The following PRP4K variants were observed in gnomAD, a reference collection of about 807,000 sequenced individuals.
The protein encoded by PRP4K is serine/threonine-protein kinase PRP4 homolog.
chr6:4,045,044 G>A, the PRP4K span, among the ~76,000 whole-genome samples: 1 of 151,624 alleles, frequency 6.6e-6, no homozygotes, highest in African/African-American at 2.4e-5. Flanking sequence ...TGTATTTTTA[G>A]TAGAGATGGG....
the PRP4K span, chr6:4,021,319 C>T: frequency 3.4e-6 from 5 of 1,451,416 alleles, no homozygotes; most frequent in Non-Finnish European, 3.8e-6. Flanking sequence ...CTCTTCCCTA[C>T]ACGGTCGGCA....
At chr6:4,028,807 A>C in the PRP4K span, among the ~76,000 whole-genome samples, 1 of 152,086 alleles carries the variant, frequency 6.6e-6, no homozygotes, top group African/African-American at 2.4e-5. Context: ...TCAACTAATT[A>C]GTAACTTCTC....
the PRP4K span, chr6:4,031,464 A>G: frequency 3.1e-6 from 3 of 966,240 alleles, no homozygotes; most frequent in East Asian, 2.7e-5. Flanking sequence ...CATGTATTAC[A>G]TTGAGATGTA....
the PRP4K span, among the ~76,000 whole-genome samples, chr6:4,035,853 G>A: frequency 6.6e-6 from 1 of 152,022 alleles, no homozygotes; most frequent in African/African-American, 2.4e-5. Flanking sequence ...TGTAATCCCA[G>A]CTACTCAAGG....
At chr6:4,053,213 A>T in the PRP4K span, among the ~76,000 whole-genome samples, 1 of 151,588 alleles carries the variant, frequency 6.6e-6, no homozygotes, top group Non-Finnish European at 1.5e-5. Context: ...TGAAATAAGG[A>T]GTGTCCGTAC....
the PRP4K span, among the ~76,000 whole-genome samples, chr6:4,027,611 GGT>G: frequency 2.2e-3 from 197 of 88,704 alleles, 1 homozygote; most frequent in Non-Finnish European, 2.6e-3. Flanking sequence ...GGGGGGGTGG[GGT>G]GGGGGTTGGT....
chr6:4,059,773 G>A, the PRP4K span, among the ~76,000 whole-genome samples: 1 of 152,122 alleles, frequency 6.6e-6, no homozygotes, highest in Non-Finnish European at 1.5e-5. Context: ...AGCCTCCCGA[G>A]TAGCTGGGAT....
At chr6:4,040,942 T>TA in the PRP4K span, 1 of 1,591,416 alleles carries the variant, frequency 6.3e-7, no homozygotes, top group Non-Finnish European at 8.5e-7. Context: ...GAATAGAACT[T>TA]ACCCATAACT....
chr6:4,062,985 C>A, the PRP4K span: 2 of 152,452 alleles, frequency 1.3e-5, no homozygotes, highest in Non-Finnish European at 2.9e-5. This position sits in a 1 kb window ranked among gnomAD's most constrained non-coding sequence, Gnocchi z 4.2. Flanking sequence ...TAAGTAAGTT[C>A]CACTAGAAAC....
At chr6:4,060,390 C>T in the PRP4K span, 47 of 1,596,386 alleles carry the variant, frequency 2.9e-5, no homozygotes, top group African/African-American at 3.6e-4. This position sits in a 1 kb window ranked among gnomAD's most constrained non-coding sequence, Gnocchi z 4.7. Flanking sequence ...TTTAGAGATA[C>T]GCATTTTAAA....
the PRP4K span, chr6:4,041,078 G>T: frequency 1.1e-6 from 1 of 881,778 alleles, no homozygotes; most frequent in Non-Finnish European, 1.7e-6. Flanking sequence ...TGAATATTGT[G>T]TAGGTTGTAT....
At chr6:4,050,026 T>G in the PRP4K span, 3 of 7,026 alleles carry the variant, frequency 4.3e-4, 1 homozygote, top group African/African-American at 6.7e-3. Flanking sequence ...TTGTTTTTTT[T>G]TTTTTTTTTT....
the PRP4K span, among the ~76,000 whole-genome samples, chr6:4,028,366 C>T: frequency 2.0e-5 from 3 of 151,830 alleles, no homozygotes; most frequent in East Asian, 3.9e-4. Context: ...TGCTGCCATA[C>T]CCAGTTAATT....
At chr6:4,056,061 A>T in the PRP4K span, among the ~76,000 whole-genome samples, 1 of 151,304 alleles carries the variant, frequency 6.6e-6, no homozygotes. Context: ...TTAAAAATGC[A>T]GTTGTTAAAA....
chr6:4,025,795 G>C, the PRP4K span, among the ~76,000 whole-genome samples: 1,305 of 152,116 alleles, frequency 8.6e-3, 21 homozygotes, highest in African/African-American at 0.03. Context: ...AAAAGATAAG[G>C]TTCAAAAAAC....
At chr6:4,038,396 G>A in the PRP4K span, among the ~76,000 whole-genome samples, 53 of 151,240 alleles carry the variant, frequency 3.5e-4, no homozygotes, top group Non-Finnish European at 6.3e-4. Context: ...AAGCAATTCT[G>A]CCTCAGCCTC....
chr6:4,025,882 A>C, the PRP4K span, among the ~76,000 whole-genome samples: 1 of 152,260 alleles, frequency 6.6e-6, no homozygotes, highest in African/African-American at 2.4e-5. Context: ...GTGTGTGCCT[A>C]CTATGTGTGT....
At chr6:4,032,633 T>G in the PRP4K span, 1 of 1,614,104 alleles carries the variant, frequency 6.2e-7, no homozygotes, top group Non-Finnish European at 8.5e-7. Context: ...CACTTTTGAA[T>G]GATAGAAGAT....
At chr6:4,029,074 C>G in the PRP4K span, among the ~76,000 whole-genome samples, 167 of 146,586 alleles carry the variant, frequency 1.1e-3, 1 homozygote, top group East Asian at 0.014. Flanking sequence ...GGCTGGAGTG[C>G]AGTGGTGTGA....
Sources: gnomAD v4.1 joint callset for allele counts (sites outside exome capture counted in the v4.1 genomes callset) on GRCh38, gnomAD v4.1.1 for gene constraint, Gnocchi (gnomAD v3.1) non-coding constraint, MANE v1.5 for transcripts, NCBI Gene and HGNC (gene_info 2026-07-23, HGNC 2026-07-21) for gene names.